AKAP19: variants seen among roughly 807,000 people sequenced by gnomAD.
AKAP19 encodes A-kinase anchoring protein 19.
the AKAP19 span, among the ~76,000 whole-genome samples, chr2:190,087,188 G>A: frequency 6.6e-6 from 1 of 152,220 alleles, no homozygotes; most frequent in African/African-American, 2.4e-5. Context: ...AGTCTTACAA[G>A]TGGCAACATA....
chr2:190,004,970 A>G, the AKAP19 span, among the ~76,000 whole-genome samples: 1 of 152,164 alleles, frequency 6.6e-6, no homozygotes, highest in Non-Finnish European at 1.5e-5. Context: ...TTCAACAATT[A>G]AGCCACGGAC....
At chr2:190,155,764 G>A in the AKAP19 span, among the ~76,000 whole-genome samples, 1 of 152,048 alleles carries the variant, frequency 6.6e-6, no homozygotes, top group Non-Finnish European at 1.5e-5. Flanking sequence ...GAATACTAAG[G>A]TTGAAATTAA....
the AKAP19 span, among the ~76,000 whole-genome samples, chr2:190,192,484 G>GTA: frequency 1.6e-3 from 232 of 147,174 alleles, no homozygotes; most frequent in African/African-American, 5.6e-3. Context: ...GTGTGTGTGT[G>GTA]TGTGTGTATC....
chr2:190,135,429 A>G, the AKAP19 span, among the ~76,000 whole-genome samples: 1 of 152,204 alleles, frequency 6.6e-6, no homozygotes, highest in Non-Finnish European at 1.5e-5. Context: ...TGCACACTAA[A>G]TTTTGAAAAA....
At chr2:190,147,363 C>G in the AKAP19 span, among the ~76,000 whole-genome samples, 1 of 152,120 alleles carries the variant, frequency 6.6e-6, no homozygotes. Flanking sequence ...GTCTATGTGC[C>G]TATTTTTATA....
the AKAP19 span, chr2:190,199,856 A>T: frequency 6.2e-7 from 1 of 1,612,376 alleles, no homozygotes. Flanking sequence ...ACAGCTCTTC[A>T]TAACATGGGC....
chr2:190,170,926 G>A, the AKAP19 span, among the ~76,000 whole-genome samples: 1 of 152,168 alleles, frequency 6.6e-6, no homozygotes, highest in Non-Finnish European at 1.5e-5. Context: ...ATCAGATAAA[G>A]TAGCAATGTC....
the AKAP19 span, among the ~76,000 whole-genome samples, chr2:190,105,571 T>C: frequency 6.6e-6 from 1 of 152,246 alleles, no homozygotes; most frequent in African/African-American, 2.4e-5. Flanking sequence ...TTCCTCTTTT[T>C]TTCCTCTGCC....
the AKAP19 span, among the ~76,000 whole-genome samples, chr2:190,145,754 T>C: frequency 6.6e-6 from 1 of 151,856 alleles, no homozygotes; most frequent in Non-Finnish European, 1.5e-5. Flanking sequence ...AATAATACAT[T>C]TCTCAGAACG....
At chr2:190,200,301 G>A in the AKAP19 span, 2 of 667,616 alleles carry the variant, frequency 3.0e-6, no homozygotes, top group Non-Finnish European at 5.2e-6. Context: ...AGGATGAAAT[G>A]CATTTTAAGT....
the AKAP19 span, among the ~76,000 whole-genome samples, chr2:189,977,707 A>C: frequency 6.6e-6 from 1 of 152,332 alleles, no homozygotes; most frequent in Non-Finnish European, 1.5e-5. Context: ...GTAGAGAATA[A>C]AAGAGGTCTT....
the AKAP19 span, among the ~76,000 whole-genome samples, chr2:190,048,338 A>G: frequency 6.6e-6 from 1 of 152,190 alleles, no homozygotes; most frequent in Non-Finnish European, 1.5e-5. Context: ...TCTTGAAGCC[A>G]TTTGCTATGT....
At chr2:189,910,384 A>G in the AKAP19 span, among the ~76,000 whole-genome samples, 2 of 152,008 alleles carry the variant, frequency 1.3e-5, no homozygotes, top group African/African-American at 2.4e-5. Context: ...GCTTCACAGT[A>G]TCACAAAAAT....
At chr2:190,083,263 C>T in the AKAP19 span, among the ~76,000 whole-genome samples, 1 of 152,050 alleles carries the variant, frequency 6.6e-6, no homozygotes, top group Non-Finnish European at 1.5e-5. Context: ...CCTGTAGTCC[C>T]AACTATTTGG....
the AKAP19 span, among the ~76,000 whole-genome samples, chr2:189,952,506 C>G: frequency 2.0e-4 from 30 of 151,906 alleles, no homozygotes; most frequent in Non-Finnish European, 3.5e-4. Flanking sequence ...TTTTGGAATT[C>G]TAAGCAAGAA....
the AKAP19 span, among the ~76,000 whole-genome samples, chr2:190,139,731 G>A: frequency 2.6e-5 from 4 of 152,118 alleles, no homozygotes; most frequent in Admixed American, 6.5e-5. Context: ...TGGAGGTTAT[G>A]GGAACTACAA....
the AKAP19 span, among the ~76,000 whole-genome samples, chr2:190,162,627 A>G: frequency 6.6e-6 from 1 of 152,198 alleles, no homozygotes; most frequent in Non-Finnish European, 1.5e-5. Context: ...AACTGAAATG[A>G]TAATATTCCC....
At chr2:190,180,803 C>G in the AKAP19 span, 6 of 985,188 alleles carry the variant, frequency 6.1e-6, no homozygotes, top group Non-Finnish European at 7.2e-6. The surrounding 1 kb of genome is among the most constrained non-coding windows in gnomAD (Gnocchi z 6.8). Context: ...GCGGGCGCGG[C>G]GGCGACGGCA....
At chr2:190,002,369 C>T in the AKAP19 span, among the ~76,000 whole-genome samples, 1 of 152,100 alleles carries the variant, frequency 6.6e-6, no homozygotes, top group African/African-American at 2.4e-5. Context: ...TTGTCCTGCT[C>T]AATTTTGATT....
Sources: gnomAD v4.1 joint callset for allele counts (sites outside exome capture counted in the v4.1 genomes callset) on GRCh38, gnomAD v4.1.1 for gene constraint, Gnocchi (gnomAD v3.1) non-coding constraint, MANE v1.5 for transcripts, NCBI Gene and HGNC (gene_info 2026-07-23, HGNC 2026-07-21) for gene names.